SUCLG2: variants seen among roughly 807,000 people sequenced by gnomAD.
SUCLG2 encodes the protein succinate--CoA ligase [GDP-forming] subunit beta, mitochondrial.
Under a neutral mutation model 47.9 loss-of-function variants are expected in SUCLG2, and 42 were observed. The observed-to-expected ratio is 0.88, with a 90% CI of 0.69 to 1.14. The LOEUF (loss-of-function observed/expected upper bound fraction) is 1.14, where lower values mean the gene tolerates loss of function less well. Among genes scored for constraint, SUCLG2 ranks in the 50% most tolerant of loss-of-function variants. SUCLG2 has a pLI of 0.00. For synonymous variants in SUCLG2, 195 were observed against 197.3 expected, an observed-to-expected ratio of 0.99 and a Z score of 0.10; for missense variants, 571 against 525.9, an observed-to-expected ratio of 1.09 and a Z score of -0.84.
chr3:67,365,527 G>A (rs949236351), intron 10 of SUCLG2, among the ~76,000 whole-genome samples: 4 of 152,142 alleles, frequency 2.6e-5, no homozygotes, highest in East Asian at 3.8e-4. Context: ...GTGTAGAAAT[G>A]TTTAAGACAC....
intron 7 of SUCLG2, among the ~76,000 whole-genome samples, chr3:67,505,246 C>T (rs774891702): frequency 6.6e-6 from 1 of 152,172 alleles, no homozygotes; most frequent in Admixed American, 6.5e-5. Context: ...AATTTGGAGG[C>T]AAGCAGGGCT....
At chr3:67,453,039 T>C (rs550134465) in intron 9 of SUCLG2, among the ~76,000 whole-genome samples, 2 of 152,302 alleles carry the variant, frequency 1.3e-5, no homozygotes, top group East Asian at 3.9e-4. Flanking sequence ...GTTCTTTAAT[T>C]ATAACCCTGA....
chr3:67,516,086 T>C (rs890802506), intron 6 of SUCLG2, among the ~76,000 whole-genome samples: 1 of 152,100 alleles, frequency 6.6e-6, no homozygotes, highest in Non-Finnish European at 1.5e-5. Context: ...TTGTCTCTTT[T>C]CCCCAAGGCA....
intron 2 of SUCLG2, among the ~76,000 whole-genome samples, chr3:67,590,923 T>C (rs1708144099): frequency 6.6e-6 from 1 of 151,992 alleles, no homozygotes; most frequent in Non-Finnish European, 1.5e-5. Context: ...GAGAGTTCTT[T>C]AACAAAAATT....
chr3:67,421,081 A>G lies in SUCLG2; in HGVS notation c.1063-20230T>C, dbSNP rs2106858782. Among the ~76,000 whole-genome samples, 5 of 152,304 alleles carry G rather than the reference A, an allele frequency of 3.3e-5. No individual in the cohort carries two copies. The East Asian group carries it at 9.7e-4, about 29-fold the overall frequency. ...CAAGAAGTTCAGGTGTTGACACTGG[A>G]GATCACAGAGGTTAGTAACTTGCCC... On this transcript the variant is annotated intron_variant, in intron 9 of 10. Coordinates refer to ENST00000307227, the MANE Select transcript of SUCLG2 (RefSeq NM_003848.4).
intron 9 of SUCLG2, among the ~76,000 whole-genome samples, chr3:67,446,368 A>AAG (rs1294661192): frequency 4.8e-5 from 1 of 20,716 alleles, no homozygotes; most frequent in Non-Finnish European, 1.3e-4. Flanking sequence ...AAAAAAAAAA[A>AAG]AAAAAAAGAA....
chr3:67,609,617 A>G, intron 1 of SUCLG2, 21 bp from the exon 2 acceptor site: 1 of 1,608,970 alleles, frequency 6.2e-7, no homozygotes, highest in Non-Finnish European at 8.5e-7. Flanking sequence ...TGAAGGAGAG[A>G]GGTAAGAACA....
At chr3:67,376,245 A>G (rs1307812850) in intron 10 of SUCLG2, 1 of 985,336 alleles carries the variant, frequency 1.0e-6, no homozygotes, top group Non-Finnish European at 1.2e-6. Context: ...GGAAGTTCCG[A>G]GAATCTGCCC....
intron 9 of SUCLG2, among the ~76,000 whole-genome samples, chr3:67,415,577 T>C (rs994920710): frequency 6.6e-5 from 10 of 152,228 alleles, no homozygotes; most frequent in African/African-American, 2.4e-4. Context: ...AGATCTACTG[T>C]GTCATATGGT....
At chr3:67,417,905 T>C (rs947491072) in intron 9 of SUCLG2, among the ~76,000 whole-genome samples, 3 of 152,162 alleles carry the variant, frequency 2.0e-5, no homozygotes, top group African/African-American at 7.2e-5. Context: ...CTATAGCTGT[T>C]TGAAAGTTAT....
chr3:67,534,359 T>C (rs2107158757), intron 2 of SUCLG2, among the ~76,000 whole-genome samples: 1 of 152,256 alleles, frequency 6.6e-6, no homozygotes, highest in South Asian at 2.1e-4. Flanking sequence ...GACGGAATAA[T>C]TTTAATTTTA....
At chr3:67,530,274 A>T (rs1706367186) in intron 2 of SUCLG2, among the ~76,000 whole-genome samples, 1 of 152,228 alleles carries the variant, frequency 6.6e-6, no homozygotes. Flanking sequence ...TGAAATGATG[A>T]CAAGGGTTGT....
rs111874616 is a variant in SUCLG2 at position 67,427,590 on chromosome 3, G to A, written c.1063-26739C>T. 8.1e-3 allele frequency among the ~76,000 whole-genome samples: 1,230 copies of A among 152,218 alleles called. 17 individuals carry two copies. The highest frequency in any genetic ancestry group is 0.052 in the South Asian group (251 of 4,802). ...GGTGATTTCTCCATTTCCAACTGAG[G>A]TACGAGGTTCATATCACTGGGGCTT... On this transcript the variant is annotated intron_variant, in intron 9 of 10. Coordinates refer to ENST00000307227, the MANE Select transcript of SUCLG2 (RefSeq NM_003848.4).
At position 67,387,418 on chromosome 3, in the gene SUCLG2, T is replaced by C. The variant is rs565728676; in HGVS notation, c.1184-11559A>G. On this transcript the variant is annotated intron_variant, in intron 10 of 10. Transcript: ENST00000307227. ...GGGAAAGGTCTCTATCAGCCAATTA[T>C]ATTATTGTTTGTCACTGGAAATAAC... 1.7e-4 allele frequency among the ~76,000 whole-genome samples: 26 copies of C among 152,322 alleles called. 1 individual carries two copies. The South Asian group carries it at 5.0e-3, about 29-fold the overall frequency.
intron 1 of SUCLG2, among the ~76,000 whole-genome samples, chr3:67,628,934 C>T (rs760667454): frequency 3.3e-5 from 5 of 152,094 alleles, no homozygotes; most frequent in Non-Finnish European, 7.4e-5. Context: ...CAGTGAGCAG[C>T]GGGAAAAGGC....
chr3:67,375,020 C>T lies in SUCLG2; in HGVS notation c.*724G>A. ...CATAAGAATCAGGATTCATTTTTGA[C>T]ACAAAAATGGAAGCTTCCACTCCCA... On this transcript the variant is annotated 3_prime_UTR_variant, in exon 11 of 11. Transcript: ENST00000307227. 1 of 985,678 alleles carries T rather than the reference C, an allele frequency of 1.0e-6. No individual in the cohort carries two copies. The highest frequency in any genetic ancestry group is 1.2e-6 in the Non-Finnish European group (1 of 829,872). The allele number at this position is 985,678 out of a possible 1,614,324, so 61.1% of individuals were successfully genotyped here.
intron 9 of SUCLG2, among the ~76,000 whole-genome samples, chr3:67,442,294 G>A (rs1224957416): frequency 6.6e-6 from 1 of 152,186 alleles, no homozygotes; most frequent in East Asian, 1.9e-4. Context: ...ACAGGCGTGA[G>A]CCACCGCGCC....
chr3:67,584,882 G>A (rs1378532864), intron 2 of SUCLG2, among the ~76,000 whole-genome samples: 8 of 152,094 alleles, frequency 5.3e-5, no homozygotes, highest in East Asian at 1.9e-4. Context: ...AGAACAGCAT[G>A]AGGGTAACTG....
intron 9 of SUCLG2, among the ~76,000 whole-genome samples, chr3:67,437,302 G>A (rs13314913): frequency 0.017 from 2,586 of 152,190 alleles, 77 homozygotes; most frequent in African/African-American, 0.06. Flanking sequence ...AAGAGATAAG[G>A]ATCAATCACT....
Sources: allele counts gnomAD v4.1 joint callset (sites outside exome capture counted in the v4.1 genomes callset), GRCh38; gene constraint gnomAD v4.1.1; transcripts MANE v1.5; gene names NCBI Gene and HGNC (gene_info 2026-07-23, HGNC 2026-07-21).